PRDM10: variants seen among roughly 807,000 people sequenced by gnomAD.
PRDM10 encodes PR domain zinc finger protein 10.
A neutral mutation model predicts 133.1 loss-of-function variants in PRDM10; 65 were observed. That is an observed-to-expected ratio of 0.49 (90% CI 0.40 to 0.60). The LOEUF is 0.60. Among genes scored for constraint, PRDM10 ranks in the 20% least tolerant of loss-of-function variants. PRDM10 has a pLI of 0.00. For missense variants in PRDM10, 1,137 were observed against 1,507.1 expected (o/e 0.75, Z 4.07); for synonymous variants, 582 against 580.4 (o/e 1.00, Z -0.04).
At chr11:129,939,986 C>G (rs1451411281) in intron 7 of PRDM10, among the ~76,000 whole-genome samples, 1 of 152,186 alleles carries the variant, frequency 6.6e-6, no homozygotes, top group Non-Finnish European at 1.5e-5. Flanking sequence ...AGCTGCTTCA[C>G]ATTCTCAATG....
At chr11:129,914,462 G>C in intron 17 of PRDM10, 1 of 591,042 alleles carries the variant, frequency 1.7e-6, no homozygotes, top group Non-Finnish European at 3.0e-6. Flanking sequence ...TCCTGCCACA[G>C]CACAGGAGGC....
At chr11:129,915,550 C>T (rs1162045988) in intron 16 of PRDM10, 110 bp downstream of exon 16, 16 of 1,194,040 alleles carry the variant, frequency 1.3e-5, no homozygotes, top group Middle Eastern at 3.0e-4. Context: ...TTCAGTCCCC[C>T]GTCAACTCAG....
At chr11:129,999,319 T>C (rs1939221489) in intron 1 of PRDM10, among the ~76,000 whole-genome samples, 3 of 152,216 alleles carry the variant, frequency 2.0e-5, no homozygotes, top group Admixed American at 2.0e-4. Flanking sequence ...AGTGGGATCA[T>C]TCTCCAAAGA....
intron 1 of PRDM10, among the ~76,000 whole-genome samples, chr11:129,986,152 G>A (rs1303420323): frequency 1.3e-5 from 2 of 151,884 alleles, no homozygotes; most frequent in Non-Finnish European, 2.9e-5. Flanking sequence ...GGCTTAGGAT[G>A]GCAACAAGAA....
intron 1 of PRDM10, among the ~76,000 whole-genome samples, chr11:129,964,685 CTTAGG>C (rs1951869023): frequency 6.6e-6 from 1 of 152,136 alleles, no homozygotes; most frequent in Non-Finnish European, 1.5e-5. Flanking sequence ...TTCATAAACG[CTTAGG>C]TTATTTCTAA....
chr11:129,968,296 A>T (rs974866212), intron 1 of PRDM10, among the ~76,000 whole-genome samples: 1 of 152,214 alleles, frequency 6.6e-6, no homozygotes, highest in Admixed American at 6.5e-5. Flanking sequence ...ACTTACAAAT[A>T]AACTTTTCCG....
chr11:129,987,473 C>A (rs1030444019), intron 1 of PRDM10, among the ~76,000 whole-genome samples: 1 of 152,076 alleles, frequency 6.6e-6, no homozygotes, highest in African/African-American at 2.4e-5. Context: ...GAAAACAGCC[C>A]GGCAATTCCA....
At chr11:129,928,574 T>C (rs141307123) in intron 11 of PRDM10, among the ~76,000 whole-genome samples, 39 of 152,100 alleles carry the variant, frequency 2.6e-4, no homozygotes, top group Middle Eastern at 3.4e-3. Context: ...TATTTTTTTT[T>C]AGTAGAGACA....
chr11:129,918,858 C>T lies in PRDM10; in HGVS notation c.2035-140G>A, dbSNP rs908726877. The T allele has an allele frequency of 1.7e-5, 14 of 822,646 alleles. No homozygotes were observed. The highest frequency in any genetic ancestry group is 6.9e-5 in the African/African-American group (4 of 58,010). The allele number at this position is 822,646 out of a possible 1,614,324, so 51.0% of individuals were successfully genotyped here. The stretch of plus-strand genomic sequence containing the variant: ...CATTTGAGTTGCTGGAACACTAGGA[C>T]GCAGACATGTTAAAAGTGGCTGGGA... On this transcript the variant is annotated intron_variant, in intron 13 of 20. Coordinates refer to ENST00000360871, the MANE Select transcript of PRDM10 (RefSeq NM_199437.2). This position sits in a 1 kb window ranked among gnomAD's most constrained non-coding sequence, Gnocchi z 5.3.
At position 129,900,469 on chromosome 11, in the gene PRDM10, C is replaced by CAAAAGA. The variant is rs2135689936; in HGVS notation, c.*1843_*1844insTCTTTT. 1 of 152,698 alleles carries CAAAAGA rather than the reference C, an allele frequency of 6.5e-6. No homozygotes were observed. The highest frequency in any genetic ancestry group is 2.4e-5 in the African/African-American group (1 of 41,560). The allele number at this position is 152,698 out of a possible 1,614,324, so 9.5% of individuals were successfully genotyped here. On this transcript the variant is annotated 3_prime_UTR_variant, in exon 21 of 21. Transcript: ENST00000360871. ...AACAACTGCCATAAAATGAACATTC[C>CAAAAGA]ATTCAGTGATTCTTTTCAGTTTTCC...
intron 19 of PRDM10, among the ~76,000 whole-genome samples, chr11:129,907,011 C>T (rs540045352): frequency 1.4e-4 from 21 of 151,140 alleles, no homozygotes; most frequent in Non-Finnish European, 2.7e-4. Context: ...AAGAATATCA[C>T]GACTTTGCAG....
chr11:129,947,515 C>T lies in PRDM10; in HGVS notation c.295-145G>A, dbSNP rs954992139. 4.5e-5 allele frequency: 68 copies of T among 1,514,502 alleles called. No homozygotes were observed. The highest frequency in any genetic ancestry group is 5.8e-5 in the Non-Finnish European group (66 of 1,133,892). 93.8% of individuals were successfully genotyped at this position (1,514,502 alleles called of 1,614,324 possible). ...CTTCCAGGCCCTGGAAAAATGACTTCCATCTACCGGCTGTGAGGAAGAGCT... is the reference window on the plus strand; with the variant it reads ...CTTCCAGGCCCTGGAAAAATGACTTTCATCTACCGGCTGTGAGGAAGAGCT... On this transcript the variant is annotated intron_variant, in intron 4 of 20. Coordinates refer to ENST00000360871, the MANE Select transcript of PRDM10 (RefSeq NM_199437.2). This position sits in a 1 kb window ranked among gnomAD's most constrained non-coding sequence, Gnocchi z 4.6.
chr11:129,962,764 A>T (rs1040937827), intron 1 of PRDM10, among the ~76,000 whole-genome samples: 12 of 152,220 alleles, frequency 7.9e-5, no homozygotes, highest in African/African-American at 2.9e-4. Context: ...AGTACTATTT[A>T]AAAATATATA....
intron 13 of PRDM10, among the ~76,000 whole-genome samples, chr11:129,921,728 A>G (rs1451192244): frequency 2.6e-5 from 4 of 152,212 alleles, no homozygotes; most frequent in African/African-American, 9.6e-5. Flanking sequence ...GGTTAGCCAA[A>G]GAGAAACTCA....
intron 3 of PRDM10, 80 bp downstream of exon 3, chr11:129,957,666 C>G: frequency 1.3e-6 from 2 of 1,517,858 alleles, no homozygotes; most frequent in Non-Finnish European, 1.8e-6. Flanking sequence ...GTACCTAGCA[C>G]AATGACTGAC....
intron 1 of PRDM10, among the ~76,000 whole-genome samples, chr11:129,981,709 A>G (rs1938121765): frequency 6.6e-6 from 1 of 152,072 alleles, no homozygotes; most frequent in Non-Finnish European, 1.5e-5. Flanking sequence ...CAACCTGGTC[A>G]ACATGGCGAA....
rs924034000 is a variant in PRDM10, at chr11:129,945,625, G to A, written c.521-613C>T. Among the ~76,000 whole-genome samples the A allele has an allele frequency of 2.0e-5, 3 of 152,034 alleles. No individual in the cohort carries two copies. Among genetic ancestry groups the A allele is most frequent in the East Asian group, 1.9e-4 (1 of 5,192 alleles). On this transcript the variant is annotated intron_variant, in intron 5 of 20. Coordinates refer to ENST00000360871, the MANE Select transcript of PRDM10 (RefSeq NM_199437.2). This position sits in a 1 kb window ranked among gnomAD's most constrained non-coding sequence, Gnocchi z 4.2. Reference sequence around the variant, plus strand: ...TCACTGGGATGACACAACATTTTCCGCCCATTCCAAGAGCACTCGGTTTGC... The same window carrying A: ...TCACTGGGATGACACAACATTTTCCACCCATTCCAAGAGCACTCGGTTTGC...
intron 8 of PRDM10, 24 bp downstream of exon 8, chr11:129,937,564 ATATAGAAAAT>A: frequency 6.3e-7 from 1 of 1,585,136 alleles, no homozygotes; most frequent in East Asian, 2.2e-5. Flanking sequence ...TTTAGAATTC[ATATAGAAAAT>A]GTAAAACATA....
intron 13 of PRDM10, among the ~76,000 whole-genome samples, chr11:129,919,681 T>A (rs1164899927): frequency 1.3e-5 from 2 of 152,202 alleles, no homozygotes; most frequent in African/African-American, 4.8e-5. Context: ...CTGGGACACA[T>A]GAATAAATTG....
Sources: allele counts gnomAD v4.1 joint callset (sites outside exome capture counted in the v4.1 genomes callset), GRCh38; gene constraint gnomAD v4.1.1; non-coding constraint Gnocchi (gnomAD v3.1); transcripts MANE v1.5; gene names NCBI Gene and HGNC (gene_info 2026-07-23, HGNC 2026-07-21).